ZNF562: variants seen among roughly 807,000 people sequenced by gnomAD.
The protein encoded by ZNF562 is zinc finger protein 562.
A neutral mutation model predicts 17.5 loss-of-function variants in ZNF562; 13 were observed. The ratio of observed to expected loss-of-function variants is 0.74; its 90% confidence interval spans 0.48 to 1.18. ZNF562 has a LOEUF of 1.18. Ranked by LOEUF, ZNF562 falls within the 50% of genes most tolerant of loss-of-function variation. ZNF562 has a pLI of 0.00. For missense variants in ZNF562, 481 were observed against 498.5 expected (o/e 0.96, Z 0.33); for synonymous variants, 163 against 165.4 (o/e 0.99, Z 0.11).
At chr19:9,661,881 C>T (rs1173449751) in intron 1 of ZNF562, among the ~76,000 whole-genome samples, 1 of 152,188 alleles carries the variant, frequency 6.6e-6, no homozygotes, top group African/African-American at 2.4e-5. Flanking sequence ...TCTCCCACTT[C>T]AGCCCCCAAA....
intron 1 of ZNF562, among the ~76,000 whole-genome samples, chr19:9,671,816 G>A (rs1183712943): frequency 6.6e-6 from 1 of 152,190 alleles, no homozygotes; most frequent in African/African-American, 2.4e-5. Context: ...CAGATTAACT[G>A]TTTTTCTCTT....
intron 5 of ZNF562, among the ~76,000 whole-genome samples, chr19:9,654,592 G>A (rs1197588930): frequency 6.6e-6 from 1 of 152,024 alleles, no homozygotes; most frequent in African/African-American, 2.4e-5. Flanking sequence ...CTGCCAACTA[G>A]CATGTGCAAC....
At position 9,647,918 on chromosome 19, in the gene ZNF562, T is replaced by C. The variant is rs1355487189; in HGVS notation, c.*5031A>G. On this transcript the variant is annotated 3_prime_UTR_variant, in exon 6 of 6. Transcript: ENST00000453372. ...CCAAAAAAATGAAAATATCTTGTAG[T>C]ATTTTTAAATAGAGATGTGGTTTCG... is the stretch of plus-strand genomic sequence containing the variant. 1.3e-5 allele frequency: 2 copies of C among 152,156 alleles called. No individual in the cohort carries two copies. Among genetic ancestry groups the C allele is most frequent in the Non-Finnish European group, 2.9e-5 (2 of 68,036 alleles). The allele number at this position is 152,156 out of a possible 1,614,324, so 9.4% of individuals were successfully genotyped here. A position where few individuals can be genotyped will look rare whatever the true frequency, so the allele number is the denominator to read the frequency against.
chr19:9,671,967 C>G (rs917600350), intron 1 of ZNF562, among the ~76,000 whole-genome samples: 1 of 152,216 alleles, frequency 6.6e-6, no homozygotes, highest in East Asian at 1.9e-4. Flanking sequence ...CACCCATTAT[C>G]AAACAACTGT....
At chr19:9,666,441 T>C (rs1454984744) in intron 1 of ZNF562, among the ~76,000 whole-genome samples, 1 of 150,920 alleles carries the variant, frequency 6.6e-6, no homozygotes, top group East Asian at 1.9e-4. Context: ...AGTAAACACA[T>C]ACATCAAAAA....
chr19:9,674,123 G>A (rs1463282430), intron 1 of ZNF562, among the ~76,000 whole-genome samples: 3 of 152,332 alleles, frequency 2.0e-5, no homozygotes, highest in South Asian at 4.1e-4. Flanking sequence ...GATGGCTAGG[G>A]TTAGACCCCA....
chr19:9,658,108 C>T lies in ZNF562; in HGVS notation c.142G>A (p.Val48Met). 1.2e-6 allele frequency: 2 copies of T among 1,613,794 alleles called. No individual in the cohort carries two copies. The highest frequency in any genetic ancestry group is 1.7e-6 in the Non-Finnish European group (2 of 1,179,832). Residue 48 changes from valine (V) to methionine (M), a missense_variant, in exon 4 of 6, where the codon GTG becomes ATG. Physicochemically the swap from Val to Met is conservative, Grantham distance 21. Transcript: ENST00000453372. ...QDSVTFDDVA[V>M]EFTPEEWALL... ...GCCCACTCCTCTGGGGTGAACTCCA[C>T]AGCCACATCATCAAACGTCACTGAA... is the stretch of plus-strand genomic sequence containing the variant.
chr19:9,670,787 C>A (rs2044165954), intron 1 of ZNF562, among the ~76,000 whole-genome samples: 1 of 152,006 alleles, frequency 6.6e-6, no homozygotes, highest in South Asian at 2.1e-4. Context: ...TATGTGAGAT[C>A]AGGAGTTCGA....
intron 5 of ZNF562, 97 bp from the exon 6 acceptor site, chr19:9,653,978 C>A: frequency 1.3e-5 from 17 of 1,270,652 alleles, no homozygotes; most frequent in Admixed American, 3.3e-5. Context: ...AATTATTTTA[C>A]TTTTTAATGT....
chr19:9,670,633 G>A (rs1262036103), intron 1 of ZNF562, among the ~76,000 whole-genome samples: 1 of 152,130 alleles, frequency 6.6e-6, no homozygotes, highest in Non-Finnish European at 1.5e-5. Context: ...GATCTCATGA[G>A]CATAGAGTAC....
chr19:9,665,523 G>A (rs1430542325), intron 1 of ZNF562, among the ~76,000 whole-genome samples: 2 of 152,108 alleles, frequency 1.3e-5, no homozygotes, highest in African/African-American at 4.8e-5. Flanking sequence ...GGACAAAGAG[G>A]GGAGGCAGGA....
chr19:9,669,734 G>GCGCGCGCGCACA (rs1221319747), intron 1 of ZNF562, among the ~76,000 whole-genome samples: 2 of 109,302 alleles, frequency 1.8e-5, no homozygotes, highest in East Asian at 5.9e-4. Flanking sequence ...GCGCGCGCGC[G>GCGCGCGCGCACA]CACACACACA....
At chr19:9,659,293 C>G (rs1242882876) in intron 3 of ZNF562, 86 bp downstream of exon 3, 3 of 1,240,162 alleles carry the variant, frequency 2.4e-6, no homozygotes, top group Non-Finnish European at 1.1e-6. Flanking sequence ...TAAGAAAACT[C>G]TGGAGATGAG....
rs944754196 is a variant in ZNF562, at chr19:9,650,417, C to T, written c.*2532G>A. ...ATATATATACACATACACACACACA[C>T]ACACACACACACAGTGACCCCCCAA... On this transcript the variant is annotated 3_prime_UTR_variant, in exon 6 of 6. Transcript: ENST00000453372. The T allele has an allele frequency of 7.0e-6, 1 of 142,810 alleles. No individual in the cohort carries two copies. Among genetic ancestry groups the T allele is most frequent in the African/African-American group, 3.0e-5 (1 of 33,522 alleles). The allele number at this position is 142,810 out of a possible 1,614,324, so 8.8% of individuals were successfully genotyped here.
intron 1 of ZNF562, among the ~76,000 whole-genome samples, chr19:9,668,336 A>G (rs2044028130): frequency 6.6e-6 from 1 of 152,114 alleles, no homozygotes; most frequent in Admixed American, 6.6e-5. Flanking sequence ...CTACAACTGC[A>G]CCACTGTACT....
chr19:9,653,118 G>T lies in ZNF562; in HGVS notation c.1112C>A (p.Pro371His), dbSNP rs755947615. The part of the protein sequence containing the change: ...IHIRNHTGEK[P>H]YQCKECGKAF... ...TTTCCCACATTCCTTACACTGATAG[G>T]GTTTCTCTCCAGTGTGATTTCGTAT... The change falls in exon 6 of 6, where the codon CCC becomes CAC. Residue 371 changes from proline (P) to histidine (H), a missense_variant. By Grantham distance (77) the Pro-to-His change is moderately conservative. Around this residue, in one of 2 missense-constraint regions of ZNF562, gnomAD observed 78 missense variants for 112.0 expected, o/e 0.70. Transcript: ENST00000453372. The T allele has an allele frequency of 1.7e-5, 27 of 1,611,472 alleles. No individual in the cohort carries two copies. The highest frequency in any genetic ancestry group is 2.2e-5 in the Non-Finnish European group (26 of 1,178,452).
intron 4 of ZNF562, among the ~76,000 whole-genome samples, chr19:9,656,935 G>T (rs1241801593): frequency 2.0e-5 from 3 of 150,430 alleles, no homozygotes; most frequent in African/African-American, 7.3e-5. Flanking sequence ...AGCTACTCAG[G>T]AGGCTGAGGC....
In ZNF562 at chr19:9,646,075, T is replaced by C. The variant is rs984488458; in HGVS notation, c.*6874A>G. The C allele has an allele frequency of 6.0e-5, 9 of 150,272 alleles. No homozygotes were observed. Among genetic ancestry groups the C allele is most frequent in the African/African-American group, 1.5e-4 (6 of 41,200 alleles). The allele number at this position is 150,272 out of a possible 1,614,324, so 9.3% of individuals were successfully genotyped here. ...GGTATTATTCAAGTATTTTTTCTTT[T>C]TTTTTTTTTTTTTGTGACAGAGTTT... On this transcript the variant is annotated 3_prime_UTR_variant, in exon 6 of 6. Coordinates refer to ENST00000453372, the MANE Select transcript of ZNF562 (RefSeq NM_001130031.2).
chr19:9,657,298 G>C (rs1016135829), intron 4 of ZNF562, among the ~76,000 whole-genome samples: 1 of 150,286 alleles, frequency 6.7e-6, no homozygotes, highest in Non-Finnish European at 1.5e-5. Context: ...GGAAGCTGAG[G>C]CAGGAGAATG....
Sources: allele counts gnomAD v4.1 joint callset (sites outside exome capture counted in the v4.1 genomes callset), GRCh38; gene constraint gnomAD v4.1.1; regional missense constraint gnomAD v4.1.1; transcripts MANE v1.5; gene names NCBI Gene and HGNC (gene_info 2026-07-23, HGNC 2026-07-21).